SRBD1: variants seen among roughly 807,000 people sequenced by gnomAD.
SRBD1 encodes the protein S1 RNA binding domain 1.
A neutral mutation model predicts 115.3 loss-of-function variants in SRBD1; 88 were observed. That is an observed-to-expected ratio of 0.76 (90% CI 0.64 to 0.91). The LOEUF (loss-of-function observed/expected upper bound fraction) is 0.91, where lower values mean the gene tolerates loss of function less well. Ranked by LOEUF, SRBD1 falls within the 40% of genes least tolerant of loss-of-function variation. The pLI, the probability that SRBD1 is intolerant of heterozygous loss-of-function variation, is 0.00. For synonymous variants in SRBD1, 509 were observed against 407.7 expected (o/e 1.25, Z -2.99); for missense variants, 1,385 against 1,177.4 (o/e 1.18, Z -2.58).
chr2:45,601,138 C>G (rs1239378629), intron 3 of SRBD1, among the ~76,000 whole-genome samples: 1 of 152,206 alleles, frequency 6.6e-6, no homozygotes, highest in Admixed American at 6.5e-5. Context: ...GTCTTAGCTT[C>G]AAGCTATTAA....
At chr2:45,460,024 A>C (rs1420256146) in intron 16 of SRBD1, among the ~76,000 whole-genome samples, 1 of 152,198 alleles carries the variant, frequency 6.6e-6, no homozygotes, top group Non-Finnish European at 1.5e-5. Flanking sequence ...AGGTATGACT[A>C]ACCAAGTATT....
intron 4 of SRBD1, among the ~76,000 whole-genome samples, chr2:45,587,673 C>G (rs1324639322): frequency 6.6e-6 from 1 of 152,168 alleles, no homozygotes; most frequent in Non-Finnish European, 1.5e-5. Context: ...TAGAGGATAT[C>G]TCATTCTCGG....
chr2:45,446,779 C>G (rs1217957450), intron 16 of SRBD1, among the ~76,000 whole-genome samples: 3 of 151,318 alleles, frequency 2.0e-5, no homozygotes, highest in African/African-American at 7.3e-5. Context: ...AGGTCGCTCT[C>G]AAAGGAATGA....
intron 14 of SRBD1, among the ~76,000 whole-genome samples, chr2:45,528,426 G>A (rs1482333338): frequency 2.0e-5 from 3 of 151,816 alleles, no homozygotes; most frequent in African/African-American, 4.8e-5. Flanking sequence ...GACAGAATAA[G>A]AAATCAAAGA....
intron 7 of SRBD1, among the ~76,000 whole-genome samples, chr2:45,576,333 T>C (rs1673175976): frequency 6.6e-6 from 1 of 152,154 alleles, no homozygotes; most frequent in Admixed American, 6.5e-5. Context: ...ATCAGCTTTA[T>C]GTCATCAGTA....
intron 15 of SRBD1, among the ~76,000 whole-genome samples, chr2:45,486,179 G>A (rs1048768802): frequency 1.3e-5 from 2 of 152,064 alleles, no homozygotes; most frequent in Non-Finnish European, 2.9e-5. Context: ...TACACACATG[G>A]GCCAGTGGTT....
Position 45,585,596 on chromosome 2 carries a change from T to A in SRBD1, c.815+12A>T, listed in dbSNP as rs749771428. 2 of 1,603,130 alleles carry A rather than the reference T, an allele frequency of 1.2e-6. No homozygotes were observed. The highest frequency in any genetic ancestry group is 1.7e-6 in the Non-Finnish European group (2 of 1,177,232). On this transcript the variant is annotated intron_variant, in intron 5 of 20. Transcript: ENST00000263736. ...CCCTTACACTAGGCTTATTCTTTTT[T>A]AGGTTTCTTACCGTAGCTCTTCTAG...
rs954971533 is a variant in SRBD1, at chr2:45,547,600, T to C, written c.1688A>G (p.His563Arg). 3 of 1,613,310 alleles carry C rather than the reference T, an allele frequency of 1.9e-6. 1 individual carries two copies. The highest frequency in any genetic ancestry group is 3.3e-4 in the Middle Eastern group (2 of 6,060). ...ACAATGCAAGTAAACCACATCAGTA[T>C]GAAGTATCTGACCTTTAAAAAATGA... Reference protein sequence around the residue: ...AIISPTSQILHTDVVYLHCGQ... With the variant: ...AIISPTSQILRTDVVYLHCGQ... The change falls in exon 13 of 21, where the codon CAT (histidine) becomes CGT (arginine). Residue 563 changes from histidine to arginine, a missense_variant. Transcript: ENST00000263736.
intron 14 of SRBD1, among the ~76,000 whole-genome samples, chr2:45,519,118 A>T (rs1421622481): frequency 6.6e-6 from 1 of 152,142 alleles, no homozygotes; most frequent in African/African-American, 2.4e-5. Flanking sequence ...TTTTTAATCA[A>T]ATCATATTTA....
intron 16 of SRBD1, among the ~76,000 whole-genome samples, chr2:45,453,230 T>C (rs1296373543): frequency 6.7e-6 from 1 of 149,980 alleles, no homozygotes; most frequent in East Asian, 2.0e-4. Flanking sequence ...CACCGAGCTT[T>C]GTATATATAC....
intron 4 of SRBD1, among the ~76,000 whole-genome samples, chr2:45,588,718 A>G (rs916116499): frequency 6.6e-6 from 1 of 152,230 alleles, no homozygotes; most frequent in East Asian, 1.9e-4. Flanking sequence ...CAATCAGCAT[A>G]AAGTTAAGAT....
chr2:45,602,140 A>G (rs1269268985), intron 2 of SRBD1, 57 bp from the exon 3 acceptor site: 4 of 1,545,104 alleles, frequency 2.6e-6, no homozygotes, highest in African/African-American at 2.8e-5. Context: ...TGTCAAAGGT[A>G]AAAAAGAGAT....
At chr2:45,571,740 A>G (rs1275838646) in intron 9 of SRBD1, among the ~76,000 whole-genome samples, 1 of 152,102 alleles carries the variant, frequency 6.6e-6, no homozygotes, top group Non-Finnish European at 1.5e-5. Context: ...GAAAAGTACA[A>G]TGACTGAAAT....
intron 16 of SRBD1, among the ~76,000 whole-genome samples, chr2:45,470,701 C>T (rs1669622634): frequency 6.6e-6 from 1 of 152,194 alleles, no homozygotes; most frequent in Admixed American, 6.5e-5. Flanking sequence ...AGAGCCAAAC[C>T]TGCATCATCC....
intron 16 of SRBD1, among the ~76,000 whole-genome samples, chr2:45,432,888 T>G (rs1163075392): frequency 6.6e-6 from 1 of 152,210 alleles, no homozygotes; most frequent in Non-Finnish European, 1.5e-5. Flanking sequence ...ACTTTATTAC[T>G]CTACCACAAA....
At chr2:45,491,145 T>C (rs1224475861) in intron 14 of SRBD1, among the ~76,000 whole-genome samples, 1 of 152,170 alleles carries the variant, frequency 6.6e-6, no homozygotes, top group African/African-American at 2.4e-5. Context: ...CATTCCTATT[T>C]AAGAGTTCAA....
intron 14 of SRBD1, among the ~76,000 whole-genome samples, chr2:45,503,522 T>G (rs1281042417): frequency 6.6e-6 from 1 of 152,200 alleles, no homozygotes; most frequent in Non-Finnish European, 1.5e-5. Context: ...TATCTTGGCA[T>G]TTTTGTCTAA....
intron 16 of SRBD1, among the ~76,000 whole-genome samples, chr2:45,461,576 G>A (rs112205711): frequency 7.6e-4 from 115 of 152,234 alleles, no homozygotes; most frequent in African/African-American, 2.4e-3. Context: ...ACTCTACAGT[G>A]CATATGCTTC....
intron 10 of SRBD1, among the ~76,000 whole-genome samples, chr2:45,554,353 G>T (rs6719388): frequency 0.57 from 86,275 of 152,068 alleles, 25,629 homozygotes; most frequent in African/African-American, 0.73. Context: ...AAATTACTCC[G>T]GTTGAAGCCA....
Sources: gnomAD v4.1 joint callset for allele counts (sites outside exome capture counted in the v4.1 genomes callset) on GRCh38, gnomAD v4.1.1 for gene constraint, MANE v1.5 for transcripts, NCBI Gene and HGNC (gene_info 2026-07-23, HGNC 2026-07-21) for gene names.